TTC7B: variants seen among roughly 807,000 people sequenced by gnomAD.
TTC7B encodes the protein tetratricopeptide repeat domain 7B.
In TTC7B, 28 loss-of-function variants were observed where a neutral mutation model predicts 106.8. The observed-to-expected ratio is 0.26, with a 90% confidence interval of 0.19 to 0.36. TTC7B has a LOEUF of 0.36. Ranked by LOEUF, TTC7B falls within the 10% of genes least tolerant of loss-of-function variation. The probability of loss-of-function intolerance (pLI) is 1.00; values close to 1 mark genes in which losing one functional copy is unlikely to be tolerated. For missense variants in TTC7B, 862 were observed against 1,076.4 expected (o/e 0.80, Z 2.79); for synonymous variants, 405 against 430.6 (o/e 0.94, Z 0.74).
intron 3 of TTC7B, among the ~76,000 whole-genome samples, chr14:90,766,337 C>T (rs1258041342): frequency 6.6e-6 from 1 of 152,022 alleles, no homozygotes. Flanking sequence ...TTGAAAAAGA[C>T]CTGATGGCAG....
chr14:90,784,957 T>A (rs537934526), intron 2 of TTC7B, among the ~76,000 whole-genome samples: 1 of 152,218 alleles, frequency 6.6e-6, no homozygotes, highest in South Asian at 2.1e-4. Context: ...ACACCAATAC[T>A]AACTTACTCA....
At position 90,675,395 on chromosome 14, in the gene TTC7B, G is replaced by C. The variant is rs142235738; in HGVS notation, c.1152+1128C>G. ...AACTTAGGTGGTGGGGAGAAGGGGG[G>C]TCCAGGAAATCAAGGTACCGGGAGA... is the stretch of plus-strand genomic sequence containing the variant. On this transcript the variant is annotated intron_variant, in intron 9 of 19. Coordinates refer to ENST00000328459, the MANE Select transcript of TTC7B (RefSeq NM_001010854.2). Among the ~76,000 whole-genome samples the C allele has an allele frequency of 5.5e-4, 83 of 152,244 alleles. 1 individual carries two copies. Among genetic ancestry groups the C allele is most frequent in the African/African-American group, 1.9e-3 (78 of 41,522 alleles).
At chr14:90,731,237 C>T (rs1889317006) in intron 4 of TTC7B, among the ~76,000 whole-genome samples, 2 of 152,150 alleles carry the variant, frequency 1.3e-5, no homozygotes, top group South Asian at 2.1e-4. Context: ...AGGCGTGAGC[C>T]CCTGCGCCCG....
chr14:90,615,954 C>G (rs1893056250), intron 16 of TTC7B, among the ~76,000 whole-genome samples: 1 of 152,098 alleles, frequency 6.6e-6, no homozygotes, highest in African/African-American at 2.4e-5. Flanking sequence ...CCACTCTGGC[C>G]CTGAAGGAAC....
chr14:90,689,665 C>T lies in TTC7B; in HGVS notation c.825G>A (p.Glu275=). 6.2e-7 allele frequency: 1 copy of T among 1,614,188 alleles called. No individual in the cohort carries two copies. ...LAEILLRGMC[E]QSYWNPLEDP... The stretch of plus-strand genomic sequence containing the variant: ...CCTCCAGAGGGTTCCAGTAGCTCTG[C>T]TCACACATACCCCGCAACAAGATCT... Residue 275 remains glutamate (E), a synonymous_variant, in exon 7 of 20, where the codon GAG becomes GAA. Coordinates refer to ENST00000328459, the MANE Select transcript of TTC7B (RefSeq NM_001010854.2).
intron 3 of TTC7B, chr14:90,773,013 CAA>C (rs947289449): frequency 2.0e-5 from 3 of 152,112 alleles, no homozygotes; most frequent in Non-Finnish European, 4.4e-5. Flanking sequence ...GGGGATGAAA[CAA>C]GAGATCAATA....
intron 13 of TTC7B, among the ~76,000 whole-genome samples, chr14:90,649,924 G>A (rs991230832): frequency 6.6e-6 from 1 of 152,068 alleles, no homozygotes; most frequent in African/African-American, 2.4e-5. Context: ...CGCCCCAGAG[G>A]GAGAGACCCA....
At chr14:90,588,956 T>C (rs968395155) in intron 18 of TTC7B, among the ~76,000 whole-genome samples, 2 of 149,710 alleles carry the variant, frequency 1.3e-5, no homozygotes, top group African/African-American at 4.9e-5. Context: ...GCAGATTTCT[T>C]TGACACACAA....
At chr14:90,750,777 T>C (rs569416013) in intron 3 of TTC7B, among the ~76,000 whole-genome samples, 1 of 152,394 alleles carries the variant, frequency 6.6e-6, no homozygotes, top group Non-Finnish European at 1.5e-5. Flanking sequence ...CCACATGCTA[T>C]GGCATTTATT....
chr14:90,666,624 A>G (rs931435737), intron 9 of TTC7B, among the ~76,000 whole-genome samples: 6 of 152,234 alleles, frequency 3.9e-5, no homozygotes, highest in African/African-American at 1.2e-4. Context: ...AAACATAGAC[A>G]TCAAAGCTTG....
intron 19 of TTC7B, among the ~76,000 whole-genome samples, chr14:90,548,953 C>G (rs942906467): frequency 1.2e-4 from 19 of 152,048 alleles, no homozygotes; most frequent in African/African-American, 4.6e-4. Context: ...CGGTGAAACC[C>G]TGTCTCTACT....
intron 9 of TTC7B, among the ~76,000 whole-genome samples, chr14:90,660,395 C>CAAAAAAAAAAAA (rs57030874): frequency 1.5e-3 from 63 of 40,890 alleles, no homozygotes; most frequent in Admixed American, 3.2e-3. Context: ...CACCCTGTCT[C>CAAAAAAAAAAAA]AAAAAAAAAA....
chr14:90,638,646 A>G (rs759040303), intron 15 of TTC7B, among the ~76,000 whole-genome samples: 3 of 152,248 alleles, frequency 2.0e-5, no homozygotes, highest in Non-Finnish European at 4.4e-5. Context: ...TACTGTCATA[A>G]ATATACAATT....
At chr14:90,795,580 C>T (rs550980693) in intron 1 of TTC7B, among the ~76,000 whole-genome samples, 81 of 152,280 alleles carry the variant, frequency 5.3e-4, no homozygotes, top group African/African-American at 1.8e-3. Context: ...GCTCGCTAGC[C>T]GTGTGGCACT....
chr14:90,749,597 G>A (rs949409383), intron 3 of TTC7B, among the ~76,000 whole-genome samples: 1 of 151,820 alleles, frequency 6.6e-6, no homozygotes, highest in African/African-American at 2.4e-5. Flanking sequence ...CAGAGATGGG[G>A]TTTCTCCATG....
At chr14:90,595,444 A>G (rs1430059978) in intron 17 of TTC7B, among the ~76,000 whole-genome samples, 1 of 152,252 alleles carries the variant, frequency 6.6e-6, no homozygotes, top group Non-Finnish European at 1.5e-5. Flanking sequence ...GTTTAGACAA[A>G]GTATGTCTAA....
intron 15 of TTC7B, among the ~76,000 whole-genome samples, chr14:90,622,118 T>C (rs1233377113): frequency 1.7e-5 from 1 of 58,596 alleles, no homozygotes; most frequent in Non-Finnish European, 2.9e-5. Flanking sequence ...TGATTCTAAT[T>C]TTTTTTTTTT....
intron 9 of TTC7B, among the ~76,000 whole-genome samples, chr14:90,669,853 T>C (rs762311351): frequency 6.6e-6 from 1 of 152,226 alleles, no homozygotes; most frequent in Non-Finnish European, 1.5e-5. Flanking sequence ...GTACAGTCAC[T>C]GTGAAAAACA....
At chr14:90,645,706 C>G (rs1272278575) in intron 14 of TTC7B, among the ~76,000 whole-genome samples, 1 of 152,176 alleles carries the variant, frequency 6.6e-6, no homozygotes, top group Non-Finnish European at 1.5e-5. Flanking sequence ...CCAGAGCAAC[C>G]AGGGACAAAC....
Sources: allele counts gnomAD v4.1 joint callset (sites outside exome capture counted in the v4.1 genomes callset), GRCh38; gene constraint gnomAD v4.1.1; transcripts MANE v1.5; gene names NCBI Gene and HGNC (gene_info 2026-07-23, HGNC 2026-07-21).